MIA2: variants seen among roughly 807,000 people sequenced by gnomAD.
The protein encoded by MIA2 is MIA SH3 domain ER export factor 2, also known as melanoma inhibitory activity protein 2.
MIA2 carries 127 observed loss-of-function variants against 167.8 expected under a neutral mutation model. That is an observed-to-expected ratio of 0.76 (90% CI 0.66 to 0.88). The LOEUF (loss-of-function observed/expected upper bound fraction) is 0.88. MIA2 is among the 40% of genes least tolerant of loss of function. The pLI is 0.00. For synonymous variants in MIA2, 552 were observed against 541.9 expected (o/e 1.02, Z -0.26); for missense variants, 1,690 against 1,624.7 (o/e 1.04, Z -0.69).
intron 13 of MIA2, among the ~76,000 whole-genome samples, chr14:39,297,011 A>T (rs2061518254): frequency 6.7e-6 from 1 of 149,290 alleles, no homozygotes; most frequent in Non-Finnish European, 1.5e-5. Flanking sequence ...TCCTGACCTG[A>T]GGTGATCCAC....
rs760560406 is a variant in MIA2, at chr14:39,276,965, C to T, written c.1919C>T (p.Pro640Leu). The T allele has an allele frequency of 5.0e-6, 8 of 1,613,802 alleles. No individual in the cohort carries two copies. In the Admixed American group the frequency reaches 1.3e-4, roughly 27 times the overall value. The change falls in exon 7 of 29, where the codon CCA becomes CTA. Residue 640 changes from proline (P) to leucine (L), a missense_variant. Transcript: ENST00000640607. ...VVAALPEGMR[P>L]DSNLYGFPWE... ...GCAGCACTGCCTGAAGGTATGAGAC[C>T]AGATTCTAATCTTTATGGTTTTCCA...
chr14:39,265,508 TG>T (rs576499193), intron 6 of MIA2: 3 of 986,424 alleles, frequency 3.0e-6, no homozygotes, highest in Non-Finnish European at 4.6e-6. Context: ...GTTTTTGCTA[TG>T]GGGGGAACTT....
At chr14:39,371,665 G>A (rs933479464) in intron 23 of MIA2, among the ~76,000 whole-genome samples, 3 of 152,224 alleles carry the variant, frequency 2.0e-5, no homozygotes, top group Admixed American at 1.3e-4. Flanking sequence ...AGTTAAGCAT[G>A]TTATACATTG....
intron 25 of MIA2, among the ~76,000 whole-genome samples, chr14:39,341,036 T>G (rs958381737): frequency 3.3e-5 from 5 of 152,136 alleles, no homozygotes; most frequent in Admixed American, 6.5e-5. Context: ...GCATGGTGGC[T>G]TACGCTTGTA....
At chr14:39,359,086 C>G (rs952768992) in intron 23 of MIA2, among the ~76,000 whole-genome samples, 1 of 152,182 alleles carries the variant, frequency 6.6e-6, no homozygotes, top group Non-Finnish European at 1.5e-5. Flanking sequence ...AGCTGTCAGA[C>G]AGGGACATTT....
chr14:39,368,372 A>AGTC (rs1464843402), intron 23 of MIA2, among the ~76,000 whole-genome samples: 2 of 152,296 alleles, frequency 1.3e-5, no homozygotes, highest in Admixed American at 1.3e-4. Context: ...CTGTTAGAAT[A>AGTC]GTCCCTCATT....
At chr14:39,297,537 C>T (rs950958489) in intron 13 of MIA2, among the ~76,000 whole-genome samples, 2 of 152,106 alleles carry the variant, frequency 1.3e-5, no homozygotes, top group African/African-American at 2.4e-5. Flanking sequence ...ATGCTGGTGT[C>T]TGACTGTTCA....
chr14:39,302,699 T>C (rs1033385191), intron 15 of MIA2, among the ~76,000 whole-genome samples: 71 of 152,222 alleles, frequency 4.7e-4, no homozygotes, highest in Admixed American at 4.5e-3. Context: ...CAAATTATTA[T>C]TGCCATTGAT....
chr14:39,267,434 G>A (rs1336799776), intron 6 of MIA2: 1 of 1,611,060 alleles, frequency 6.2e-7, no homozygotes, highest in Non-Finnish European at 8.5e-7. Context: ...GGTTACTGTG[G>A]CGACCACGAG....
chr14:39,279,319 G>C lies in MIA2; in HGVS notation c.2020-18G>C, dbSNP rs1172070699. The C allele has an allele frequency of 6.3e-7, 1 of 1,592,736 alleles. No individual in the cohort carries two copies. Among genetic ancestry groups the C allele is most frequent in the Non-Finnish European group, 8.5e-7 (1 of 1,171,378 alleles). On this transcript the variant is annotated intron_variant, in intron 7 of 28. Transcript: ENST00000640607. ...GCGTATTTGTTTTAATGTAATTTTT[G>C]TTAAAAATTTGTTTCAGGTTAGGAG...
intron 23 of MIA2, 131 bp from the exon 24 acceptor site, chr14:39,320,797 A>G (rs2066278367): frequency 2.3e-6 from 2 of 885,736 alleles, no homozygotes; most frequent in East Asian, 2.5e-5. Context: ...ATCAAAGGAT[A>G]CATTCAGGAC....
intron 23 of MIA2, among the ~76,000 whole-genome samples, chr14:39,382,619 C>T (rs1002978222): frequency 2.0e-5 from 3 of 152,108 alleles, no homozygotes; most frequent in African/African-American, 7.2e-5. Context: ...GCATTTGTCT[C>T]GTGCTCAGTA....
intron 17 of MIA2, among the ~76,000 whole-genome samples, chr14:39,307,204 A>G (rs2063478456): frequency 6.6e-6 from 1 of 152,026 alleles, no homozygotes; most frequent in African/African-American, 2.4e-5. Flanking sequence ...AAAAACAGGC[A>G]TTATTCATCA....
rs145828781 is a variant in MIA2 at position 39,326,940 on chromosome 14, C to A, written c.3573C>A (p.Thr1191=). Reference sequence around the variant, plus strand: ...GAGAATCAAGCTGTGATAGGTTAACCGATCCTCATAGGGCTCCCTCTGACA... The same window carrying A: ...GAGAATCAAGCTGTGATAGGTTAACAGATCCTCATAGGGCTCCCTCTGACA... The part of the protein sequence containing the change: ...ERGESSCDRL[T]DPHRAPSDTG... Residue 1191 remains threonine, a synonymous_variant, in exon 25 of 29, where the codon ACC becomes ACA. Transcript: ENST00000640607. The A allele has an allele frequency of 6.3e-7, 1 of 1,596,950 alleles. No homozygotes were observed. Among genetic ancestry groups the A allele is most frequent in the African/African-American group, 1.4e-5 (1 of 73,772 alleles).
chr14:39,324,842 G>A (rs2067157184), intron 24 of MIA2, among the ~76,000 whole-genome samples: 3 of 152,222 alleles, frequency 2.0e-5, no homozygotes, highest in Admixed American at 2.0e-4. Flanking sequence ...CCTCACCTCA[G>A]GTGATCCGCC....
intron 25 of MIA2, among the ~76,000 whole-genome samples, chr14:39,327,714 C>T (rs533108480): frequency 4.9e-4 from 74 of 151,958 alleles, no homozygotes; most frequent in African/African-American, 1.7e-3. Context: ...TGAGAACATG[C>T]GGTGTTTGGT....
chr14:39,290,702 T>G (rs2152821611), intron 9 of MIA2, among the ~76,000 whole-genome samples: 1 of 152,322 alleles, frequency 6.6e-6, no homozygotes, highest in East Asian at 1.9e-4. Context: ...TAGTACAATC[T>G]TACCATTAGA....
intron 6 of MIA2, chr14:39,268,937 C>A: frequency 1.1e-6 from 1 of 892,776 alleles, no homozygotes; most frequent in Non-Finnish European, 1.3e-6. Context: ...TCCCTTTCTT[C>A]ACTAAAAACA....
chr14:39,251,067 T>C (rs1179900818), intron 4 of MIA2, among the ~76,000 whole-genome samples: 1 of 152,178 alleles, frequency 6.6e-6, no homozygotes, highest in African/African-American at 2.4e-5. Flanking sequence ...GCCAATCTTT[T>C]CTGAAGATTC....
Sources: allele counts gnomAD v4.1 joint callset (sites outside exome capture counted in the v4.1 genomes callset), GRCh38; gene constraint gnomAD v4.1.1; transcripts MANE v1.5; gene names NCBI Gene and HGNC (gene_info 2026-07-23, HGNC 2026-07-21).